Variants in ZNF443 observed in about 807,000 individuals in gnomAD.
ZNF443 encodes the protein zinc finger protein 443, also known as Kruppel-type zinc finger (C2H2).
Under a neutral mutation model 12.0 loss-of-function variants are expected in ZNF443, and 3 were observed. That is an observed-to-expected ratio of 0.25 (90% confidence interval 0.11 to 0.64). The LOEUF (loss-of-function observed/expected upper bound fraction) is 0.64. ZNF443 is among the 30% of genes least tolerant of loss of function. The pLI is 0.84. For missense variants in ZNF443, 770 were observed against 808.8 expected (o/e 0.95, Z 0.58); for synonymous variants, 225 against 265.9 (o/e 0.85, Z 1.50).
rs759238767 is a variant in ZNF443, at chr19:12,438,707, G to T, written c.3+2205C>A. 1.3e-5 allele frequency among the ~76,000 whole-genome samples: 2 copies of T among 151,744 alleles called. 1 individual carries two copies. ...CGAAAAACAAACACACCTGAGAAAC[G>T]TACTACACAAGCTCTGGGGCAAAAA... is the stretch of plus-strand genomic sequence containing the variant. On this transcript the variant is annotated intron_variant, in intron 1 of 3. Coordinates refer to ENST00000301547, the MANE Select transcript of ZNF443 (RefSeq NM_005815.5).
In ZNF443 at chr19:12,431,285, C is replaced by T; in HGVS notation, c.887G>A (p.Cys296Tyr). ...CSKAFPDSSS[C>Y]LIHERTHTGE... The stretch of plus-strand genomic sequence containing the variant: ...AGTGTGAGTTCTTTCATGTATTAGA[C>T]AAGAACTGGAATCAGGGAAGGCTTT... The change falls in exon 4 of 4, where the codon TGT becomes TAT. Residue 296 changes from cysteine to tyrosine, a missense_variant. Cys to Tyr is a radical substitution (Grantham distance 194). Coordinates refer to ENST00000301547, the MANE Select transcript of ZNF443 (RefSeq NM_005815.5). 6.2e-7 allele frequency: 1 copy of T among 1,613,888 alleles called. No homozygotes were observed. The highest frequency in any genetic ancestry group is 8.5e-7 in the Non-Finnish European group (1 of 1,179,952).
intron 1 of ZNF443, among the ~76,000 whole-genome samples, chr19:12,435,913 G>A (rs529192531): frequency 1.3e-5 from 2 of 151,998 alleles, no homozygotes; most frequent in African/African-American, 4.8e-5. Context: ...GAAAGAAGAA[G>A]AATCCAATTT....
intron 1 of ZNF443, among the ~76,000 whole-genome samples, chr19:12,439,253 C>T (rs1970342528): frequency 6.6e-6 from 1 of 152,062 alleles, no homozygotes; most frequent in Non-Finnish European, 1.5e-5. Context: ...GGAATATGAC[C>T]ATGAAATTGG....
intron 1 of ZNF443, among the ~76,000 whole-genome samples, chr19:12,438,828 T>C (rs1461073535): frequency 2.0e-5 from 3 of 152,226 alleles, no homozygotes; most frequent in African/African-American, 7.2e-5. Flanking sequence ...ATAAAATTTA[T>C]TTTCTGAAGT....
In ZNF443 at chr19:12,429,840, A is replaced by T. The variant is rs1000182615; in HGVS notation, c.*316T>A. The T allele has an allele frequency of 4.4e-6, 2 of 451,048 alleles. No individual in the cohort carries two copies. The highest frequency in any genetic ancestry group is 3.9e-5 in the African/African-American group (2 of 51,354). The allele number at this position is 451,048 out of a possible 1,614,324, so 27.9% of individuals were successfully genotyped here. A position where few individuals can be genotyped will look rare whatever the true frequency, so the allele number is the denominator to read the frequency against. On this transcript the variant is annotated 3_prime_UTR_variant, in exon 4 of 4. Transcript: ENST00000301547. ...ATTCCCTAAACAATACAATAGAACA[A>T]CTATTTGCATAGCTTTTATAATGCA... is the stretch of plus-strand genomic sequence containing the variant.
At chr19:12,440,262 TGA>T (rs1193010694) in intron 1 of ZNF443, among the ~76,000 whole-genome samples, 2 of 140,028 alleles carry the variant, frequency 1.4e-5, no homozygotes, top group Non-Finnish European at 3.2e-5. Flanking sequence ...GCCGCCTCCC[TGA>T]GAGTCAGGTC....
Position 12,440,920 on chromosome 19 carries a change from G to A in ZNF443, c.-6C>T, listed in dbSNP as rs766571371. 3 of 1,614,028 alleles carry A rather than the reference G, an allele frequency of 1.9e-6. No individual in the cohort carries two copies. Among genetic ancestry groups the A allele is most frequent in the East Asian group, 4.5e-5 (2 of 44,866 alleles). ...CGGCCCAGCACACGCACCATTTCCC[G>A]ACTTCCGCGGTGTCCCAGGTCCTAC... is the stretch of plus-strand genomic sequence containing the variant. On this transcript the variant is annotated 5_prime_UTR_variant, in exon 1 of 4. Transcript: ENST00000301547.
Position 12,430,940 on chromosome 19 carries a change from T to G in ZNF443, c.1232A>C (p.His411Pro). ...ALSHRSSFRSHMIMHTGDGPH... is the reference protein window; with the variant it reads ...ALSHRSSFRSPMIMHTGDGPH... The stretch of plus-strand genomic sequence containing the variant: ...TCCATCTCCAGTGTGCATTATCATA[T>G]GACTTCGAAAGCTTGAGCGATGAGA... Residue 411 changes from histidine (H) to proline (P), a missense_variant, in exon 4 of 4, where the codon CAT becomes CCT. Around this residue, in one of 3 missense-constraint regions of ZNF443, gnomAD observed 736 missense variants for 689.4 expected, o/e 1.07. Coordinates refer to ENST00000301547, the MANE Select transcript of ZNF443 (RefSeq NM_005815.5). The G allele has an allele frequency of 6.2e-7, 1 of 1,614,160 alleles. No homozygotes were observed. The highest frequency in any genetic ancestry group is 1.1e-5 in the South Asian group (1 of 91,082).
At chr19:12,440,080 G>GAC (rs1205762548) in intron 1 of ZNF443, among the ~76,000 whole-genome samples, 1 of 152,032 alleles carries the variant, frequency 6.6e-6, no homozygotes, top group Non-Finnish European at 1.5e-5. Flanking sequence ...GAGGACCACG[G>GAC]AAACCACAGC....
Position 12,431,714 on chromosome 19 carries a change from TG to T in ZNF443, c.457del (p.His153ThrfsTer89). On this transcript the variant is annotated frameshift_variant, in exon 4 of 4. Coordinates refer to ENST00000301547, the MANE Select transcript of ZNF443 (RefSeq NM_005815.5). LOFTEE classifies it low-confidence loss of function (END_TRUNC). The part of the protein sequence containing the change: ...HKQRGKAFSY[H>X]NSFQTHERLH... ...CCTCTCATGTGTTTGAAATGAGTTG[TG>T]GTAACTGAAGGCTTTCCCACGTTGT... 1 of 1,614,150 alleles carries T rather than the reference TG, an allele frequency of 6.2e-7. No individual in the cohort carries two copies. Among genetic ancestry groups the T allele is most frequent in the Non-Finnish European group, 8.5e-7 (1 of 1,179,998 alleles).
chr19:12,434,390 A>G (rs1242200692), intron 1 of ZNF443, among the ~76,000 whole-genome samples: 2 of 152,218 alleles, frequency 1.3e-5, no homozygotes, highest in East Asian at 3.8e-4. Flanking sequence ...CTGATAAAAG[A>G]TATTTCACCA....
chr19:12,434,384 T>TA (rs1170063303), intron 1 of ZNF443, among the ~76,000 whole-genome samples: 4 of 152,196 alleles, frequency 2.6e-5, no homozygotes, highest in African/African-American at 9.7e-5. Context: ...AAGAGACTGA[T>TA]AAAAGATATT....
Position 12,441,005 on chromosome 19 carries a change from G to T in ZNF443, c.-91C>A. ...GACAAAGGCTGCCTCAGAACTTCCA[G>T]GTCGTCTCTCAGCTACAGAACCCAG... is the stretch of plus-strand genomic sequence containing the variant. On this transcript the variant is annotated 5_prime_UTR_variant, in exon 1 of 4. The change creates a new upstream start codon in the 5' untranslated region. Coordinates refer to ENST00000301547, the MANE Select transcript of ZNF443 (RefSeq NM_005815.5). 6.2e-7 allele frequency: 1 copy of T among 1,608,772 alleles called. No homozygotes were observed. Among genetic ancestry groups the T allele is most frequent in the Non-Finnish European group, 8.5e-7 (1 of 1,177,072 alleles).
rs1372076496 is a variant in ZNF443 at position 12,430,666 on chromosome 19, C to A, written c.1506G>T (p.Lys502Asn). The stretch of plus-strand genomic sequence containing the variant: ...TCCCACATTCCTTACACTCATATGG[C>A]TTCTCTCCAGTGTGAGTTGTTTTGT... ...QNHKTTHTGE[K>N]PYECKECGKA... is the part of the protein sequence containing the mutation. Residue 502 changes from lysine to asparagine, a missense_variant, in exon 4 of 4, where the codon AAG (lysine) becomes AAT (asparagine). By Grantham distance (94) the Lys-to-Asn change is moderately conservative (BLOSUM62 0). Transcript: ENST00000301547. 2 of 1,613,326 alleles carry A rather than the reference C, an allele frequency of 1.2e-6. No individual in the cohort carries two copies. The highest frequency in any genetic ancestry group is 1.7e-6 in the Non-Finnish European group (2 of 1,179,734).
At chr19:12,440,858 G>A in intron 1 of ZNF443, 54 bp downstream of exon 1, 2 of 1,613,548 alleles carry the variant, frequency 1.2e-6, no homozygotes, top group Non-Finnish European at 1.7e-6. Context: ...GCCGATTACG[G>A]CCGGTTCCAC....
At position 12,429,809 on chromosome 19, in the gene ZNF443, A is replaced by T. The variant is rs1970229835; in HGVS notation, c.*347T>A. The T allele has an allele frequency of 2.9e-6, 1 of 350,510 alleles. No homozygotes were observed. Among genetic ancestry groups the T allele is most frequent in the Admixed American group, 4.4e-5 (1 of 22,616 alleles). The allele number at this position is 350,510 out of a possible 1,614,324, so 21.7% of individuals were successfully genotyped here. On this transcript the variant is annotated 3_prime_UTR_variant, in exon 4 of 4. Coordinates refer to ENST00000301547, the MANE Select transcript of ZNF443 (RefSeq NM_005815.5). ...TGAAAATACATAGACTCTTTTCCTT[A>T]TCATGATTCCCTAAACAATACAATA... is the stretch of plus-strand genomic sequence containing the variant.
In ZNF443 at chr19:12,440,834, C is replaced by G. The variant is rs1474175766; in HGVS notation, c.3+78G>C. The G allele has an allele frequency of 1.3e-5, 21 of 1,611,488 alleles. No individual in the cohort carries two copies. The East Asian group carries it at 4.0e-4, about 31-fold the overall frequency. ...TCCCGAAGTCGCCCTTGGGGAGGCC[C>G]GGGTCCAGCCACAGCCGATTACGGC... On this transcript the variant is annotated intron_variant, in intron 1 of 3. Transcript: ENST00000301547.
In ZNF443 at chr19:12,430,722, C is replaced by G. The variant is rs751193109; in HGVS notation, c.1450G>C (p.Ala484Pro). 1 of 1,613,274 alleles carries G rather than the reference C, an allele frequency of 6.2e-7. No individual in the cohort carries two copies. The highest frequency in any genetic ancestry group is 8.5e-7 in the Non-Finnish European group (1 of 1,179,420). ...EKPYKCKLGK[A>P]CIDFCSFQNH... ...TGAAAGGAACAGAAATCAATACAGG[C>G]TTTCCCAAGTTTGCATTTATAGGGT... The change falls in exon 4 of 4, where the codon GCC becomes CCC. Residue 484 changes from alanine (A) to proline (P), a missense_variant. By Grantham distance (27) the Ala-to-Pro change is conservative. Around this residue, in one of 3 missense-constraint regions of ZNF443, gnomAD observed 736 missense variants for 689.4 expected, o/e 1.07. Coordinates refer to ENST00000301547, the MANE Select transcript of ZNF443 (RefSeq NM_005815.5).
chr19:12,437,127 G>C (rs192550252), intron 1 of ZNF443, among the ~76,000 whole-genome samples: 153 of 152,144 alleles, frequency 1.0e-3, no homozygotes, highest in Non-Finnish European at 1.6e-3. Flanking sequence ...CAGTGGCTCA[G>C]CCCTGTAATG....
Sources: gnomAD v4.1 joint callset for allele counts (sites outside exome capture counted in the v4.1 genomes callset) on GRCh38, gnomAD v4.1.1 for gene constraint, gnomAD v4.1.1 regional missense constraint, MANE v1.5 for transcripts, NCBI Gene and HGNC (gene_info 2026-07-23, HGNC 2026-07-21) for gene names.